BCAS3: variants seen among roughly 807,000 people sequenced by gnomAD.
BCAS3 encodes BCAS4/BCAS3 fusion.
Under a neutral mutation model 116.1 loss-of-function variants are expected in BCAS3, and 53 were observed. That is an observed-to-expected ratio of 0.46 (90% CI 0.37 to 0.57). BCAS3 has a LOEUF of 0.57. BCAS3 is among the 20% of genes least tolerant of loss of function. BCAS3 has a pLI of 0.00. For synonymous variants in BCAS3, 391 were observed against 408.2 expected, an observed-to-expected ratio of 0.96 and a Z score of 0.51; for missense variants, 917 against 1,165.4, an observed-to-expected ratio of 0.79 and a Z score of 3.10.
chr17:61,087,773 C>T lies in BCAS3; in HGVS notation c.2425+3209C>T, dbSNP rs2073203868. Among the ~76,000 whole-genome samples, 1 of 152,174 alleles carries T rather than the reference C, an allele frequency of 6.6e-6. No individual in the cohort carries two copies. The highest frequency in any genetic ancestry group is 2.4e-5 in the African/African-American group (1 of 41,424). Reference sequence around the variant, plus strand: ...TAGACACCTATGAACTAGATTCTTACTGTCTCTCTGTAAAATACATATAGA... The same window carrying T: ...TAGACACCTATGAACTAGATTCTTATTGTCTCTCTGTAAAATACATATAGA... On this transcript the variant is annotated intron_variant, in intron 22 of 23. Coordinates refer to ENST00000407086, the MANE Select transcript of BCAS3 (RefSeq NM_017679.5). The surrounding 1 kb of genome is among the most constrained non-coding windows in gnomAD (Gnocchi z 4.6).
chr17:60,853,203 GAT>G (rs1325137515), intron 7 of BCAS3, among the ~76,000 whole-genome samples: 1 of 152,176 alleles, frequency 6.6e-6, no homozygotes, highest in Non-Finnish European at 1.5e-5. Context: ...TGTACTGTAT[GAT>G]TCTAACTATA....
intron 7 of BCAS3, among the ~76,000 whole-genome samples, chr17:60,823,794 A>G (rs56822840): frequency 0.046 from 7,011 of 152,264 alleles, 505 homozygotes; most frequent in African/African-American, 0.16. Flanking sequence ...TCAAACTGTG[A>G]GAGAAGGCAG....
At chr17:61,089,112 T>C (rs1281752494) in intron 22 of BCAS3, among the ~76,000 whole-genome samples, 1 of 152,226 alleles carries the variant, frequency 6.6e-6, no homozygotes, top group Non-Finnish European at 1.5e-5. Flanking sequence ...AATACTACTT[T>C]TGTTGTACAA....
At position 61,128,200 on chromosome 17, in the gene BCAS3, G is replaced by A. The variant is rs1412166275; in HGVS notation, c.2425+43636G>A. ...TAGGAAGCCTTCCACCAGGAATAGT[G>A]TGAGTCAAGGATGAGTACATGAAGA... On this transcript the variant is annotated intron_variant, in intron 22 of 23. Coordinates refer to ENST00000407086, the MANE Select transcript of BCAS3 (RefSeq NM_017679.5). This position sits in a 1 kb window ranked among gnomAD's most constrained non-coding sequence, Gnocchi z 4.1. The A allele has an allele frequency of 3.1e-5, 31 of 985,298 alleles. No homozygotes were observed. Among genetic ancestry groups the A allele is most frequent in the Non-Finnish European group, 3.6e-5 (30 of 829,932 alleles). The allele number at this position is 985,298 out of a possible 1,614,324, so 61.0% of individuals were successfully genotyped here.
At chr17:61,283,456 ATTT>A (rs771915805) in intron 22 of BCAS3, among the ~76,000 whole-genome samples, 3 of 142,344 alleles carry the variant, frequency 2.1e-5, no homozygotes, top group Admixed American at 7.1e-5. Context: ...AAGTAAATTG[ATTT>A]TTTTTTTTTT....
At chr17:60,836,849 C>G (rs1291480814) in intron 7 of BCAS3, among the ~76,000 whole-genome samples, 1 of 152,122 alleles carries the variant, frequency 6.6e-6, no homozygotes, top group Non-Finnish European at 1.5e-5. Context: ...CATGTTAGAT[C>G]AAGTTATGTA....
intron 7 of BCAS3, among the ~76,000 whole-genome samples, chr17:60,814,297 G>GTT (rs1326351542): frequency 1.4e-5 from 2 of 139,950 alleles, no homozygotes; most frequent in African/African-American, 6.5e-5. Flanking sequence ...GTGTGTGTGT[G>GTT]TGTGTGTGTG....
chr17:60,842,733 T>G lies in BCAS3; in HGVS notation c.477-25843T>G, dbSNP rs180803192. 2.4e-3 allele frequency among the ~76,000 whole-genome samples: 370 copies of G among 152,266 alleles called. 1 individual carries two copies. The highest frequency in any genetic ancestry group is 2.4e-3 in the Non-Finnish European group (163 of 68,032). On this transcript the variant is annotated intron_variant, in intron 7 of 23. Coordinates refer to ENST00000407086, the MANE Select transcript of BCAS3 (RefSeq NM_017679.5). ...ACTCTAACGTTAAGTTTCTAAGCTC[T>G]TTCTTCTATCTCCTTGGATTCCACC...
chr17:61,008,890 G>A lies in BCAS3; in HGVS notation c.1487-6861G>A, dbSNP rs912735119. ...GAATTGTCTTCTGAGGAGTGCCAGA[G>A]AGTCACATTGACCTCGGGCTTCAGT... On this transcript the variant is annotated intron_variant, in intron 15 of 23. Transcript: ENST00000407086. The surrounding 1 kb of genome is among the most constrained non-coding windows in gnomAD (Gnocchi z 4.6). Among the ~76,000 whole-genome samples, 1 of 151,992 alleles carries A rather than the reference G, an allele frequency of 6.6e-6. No individual in the cohort carries two copies. The highest frequency in any genetic ancestry group is 1.9e-4 in the East Asian group (1 of 5,196).
rs1306988784 is a variant in BCAS3, at chr17:61,387,421, C to T, written c.2594-4556C>T. On this transcript the variant is annotated intron_variant, in intron 23 of 23. Transcript: ENST00000407086. The surrounding 1 kb of genome is among the most constrained non-coding windows in gnomAD (Gnocchi z 6.2). ...AGTCCCCTCTTTCTGCCCCCTCTGA[C>T]ACCTCTGAGTTTGGATGGGCTCCAT... Among the ~76,000 whole-genome samples the T allele has an allele frequency of 6.6e-6, 1 of 152,224 alleles. No homozygotes were observed. Among genetic ancestry groups the T allele is most frequent in the African/African-American group, 2.4e-5 (1 of 41,456 alleles).
At chr17:60,937,243 A>G (rs987002151) in intron 13 of BCAS3, among the ~76,000 whole-genome samples, 5 of 148,052 alleles carry the variant, frequency 3.4e-5, no homozygotes, top group African/African-American at 7.5e-5. Flanking sequence ...TTTTTTTTTT[A>G]TATATCCTTC....
chr17:61,230,351 A>G (rs1868420205), intron 22 of BCAS3, among the ~76,000 whole-genome samples: 1 of 152,020 alleles, frequency 6.6e-6, no homozygotes, highest in African/African-American at 2.4e-5. Flanking sequence ...TTTTTTCTCA[A>G]CTTTTAGATA....
At chr17:61,039,854 G>A (rs16944776) in intron 18 of BCAS3, among the ~76,000 whole-genome samples, 6,229 of 152,082 alleles carry the variant, frequency 0.041, 461 homozygotes, top group African/African-American at 0.14. Context: ...CATGCTCACC[G>A]AAAATAGAGA....
chr17:60,715,132 CTTTT>C (rs200488032), intron 5 of BCAS3, among the ~76,000 whole-genome samples: 1 of 125,406 alleles, frequency 8.0e-6, no homozygotes. Context: ...CTTTCTCTTT[CTTTT>C]TTTTTTTTTT....
chr17:60,918,947 C>G (rs2058927456), intron 12 of BCAS3, among the ~76,000 whole-genome samples: 1 of 152,190 alleles, frequency 6.6e-6, no homozygotes, highest in African/African-American at 2.4e-5. Context: ...CCCGCCTCAG[C>G]CTCCCAAAGT....
chr17:60,702,317 G>T (rs1211674289), intron 4 of BCAS3, among the ~76,000 whole-genome samples: 1 of 152,142 alleles, frequency 6.6e-6, no homozygotes, highest in Non-Finnish European at 1.5e-5. Flanking sequence ...CTAGTAAATT[G>T]CTGTGTCAAA....
intron 22 of BCAS3, among the ~76,000 whole-genome samples, chr17:61,252,018 A>G (rs188331098): frequency 1.3e-4 from 20 of 152,380 alleles, no homozygotes; most frequent in Admixed American, 1.1e-3. Context: ...AGATCACTCA[A>G]CAGTTATCAA....
intron 22 of BCAS3, among the ~76,000 whole-genome samples, chr17:61,322,794 CAGAGAGAGAGAGAGAGAGAGAG>C (rs35581770): frequency 1.0e-5 from 1 of 99,634 alleles, no homozygotes; most frequent in Non-Finnish European, 2.0e-5. Flanking sequence ...GAGAGAGAGA[CAGAGAGAGAGAGAGAGAGAGAG>C]AGAGAGAGAG....
chr17:60,872,633 TAC>T (rs1389958679), intron 8 of BCAS3, among the ~76,000 whole-genome samples: 3 of 150,902 alleles, frequency 2.0e-5, no homozygotes, highest in Non-Finnish European at 3.0e-5. Context: ...TATACACACA[TAC>T]ACACACACCC....
Sources: gnomAD v4.1 joint callset for allele counts (sites outside exome capture counted in the v4.1 genomes callset) on GRCh38, gnomAD v4.1.1 for gene constraint, Gnocchi (gnomAD v3.1) non-coding constraint, MANE v1.5 for transcripts, NCBI Gene and HGNC (gene_info 2026-07-23, HGNC 2026-07-21) for gene names.